Variants in IL4R observed in about 807,000 individuals in gnomAD.
IL4R encodes the protein interleukin-4 receptor subunit alpha.
IL4R carries 17 observed loss-of-function variants against 41.5 expected under a neutral mutation model. That is an observed-to-expected ratio of 0.41 (90% CI 0.28 to 0.61). The LOEUF is 0.61. Ranked by LOEUF, IL4R falls within the 20% of genes least tolerant of loss-of-function variation. The pLI, the probability that IL4R is intolerant of heterozygous loss-of-function variation, is 0.31. For synonymous variants in IL4R, 402 were observed against 422.9 expected, an observed-to-expected ratio of 0.95 and a Z score of 0.61; for missense variants, 974 against 1,043.1, an observed-to-expected ratio of 0.93 and a Z score of 0.91.
At chr16:27,358,110 T>C (rs1213212065) in intron 8 of IL4R, among the ~76,000 whole-genome samples, 1 of 152,100 alleles carries the variant, frequency 6.6e-6, no homozygotes, top group Non-Finnish European at 1.5e-5. Flanking sequence ...GCCAGGCTGG[T>C]CTCGAACTTC....
At chr16:27,349,602 G>A (rs2085791730) in intron 6 of IL4R, among the ~76,000 whole-genome samples, 1 of 152,226 alleles carries the variant, frequency 6.6e-6, no homozygotes, top group South Asian at 2.1e-4. Flanking sequence ...GTGGGAATAT[G>A]TGTAGCGATA....
intron 1 of IL4R, chr16:27,318,781 G>C (rs926138541): frequency 6.6e-6 from 1 of 152,378 alleles, no homozygotes; most frequent in Non-Finnish European, 1.5e-5. Context: ...GGTCCCGGGA[G>C]GGGAAGAGGA....
intron 7 of IL4R, among the ~76,000 whole-genome samples, chr16:27,353,117 T>A (rs3024689): frequency 3.9e-5 from 6 of 152,124 alleles, no homozygotes; most frequent in Non-Finnish European, 7.3e-5. Context: ...CAGAATATTT[T>A]TAAATACATA....
chr16:27,332,989 C>T (rs1370061238), intron 2 of IL4R, among the ~76,000 whole-genome samples: 4 of 151,926 alleles, frequency 2.6e-5, no homozygotes, highest in Non-Finnish European at 5.9e-5. Flanking sequence ...TTTCTTCCTG[C>T]TAGTGACTTC....
chr16:27,342,474 G>A (rs892645884), intron 4 of IL4R, among the ~76,000 whole-genome samples: 8 of 152,092 alleles, frequency 5.3e-5, no homozygotes, highest in African/African-American at 1.9e-4. Flanking sequence ...GTGGCACATG[G>A]ATACGGCTGG....
At chr16:27,323,678 T>C (rs1596755383) in intron 1 of IL4R, among the ~76,000 whole-genome samples, 1 of 151,616 alleles carries the variant, frequency 6.6e-6, no homozygotes, top group Admixed American at 6.6e-5. Flanking sequence ...TTTTTAGAGA[T>C]AGGGTCTCAC....
At position 27,362,482 on chromosome 16, in the gene IL4R, T is replaced by C. The variant is rs775887007; in HGVS notation, c.1130T>C (p.Val377Ala). 6.8e-6 allele frequency: 11 copies of C among 1,612,246 alleles called. No individual in the cohort carries two copies. Among genetic ancestry groups the C allele is most frequent in the South Asian group, 1.1e-5 (1 of 90,976 alleles). Residue 377 changes from valine to alanine, a missense_variant, in exon 11 of 11, where the codon GTA becomes GCA. Transcript: ENST00000395762. ...APVECEEEEE[V>A]EEEKGSFCAS... ...GTGGAGTGTGAGGAGGAGGAGGAGGTAGAGGAAGAAAAAGGGAGCTTCTGT... is the reference window on the plus strand; with the variant it reads ...GTGGAGTGTGAGGAGGAGGAGGAGGCAGAGGAAGAAAAAGGGAGCTTCTGT...
chr16:27,364,144 C>T lies in IL4R; in HGVS notation c.*314C>T, dbSNP rs988186378. ...ACTTGTGAACGAGTTGTTGGCTGCT[C>T]CCTCCACAGCTTCTGCAGCAGACTG... On this transcript the variant is annotated 3_prime_UTR_variant, in exon 11 of 11. Coordinates refer to ENST00000395762, the MANE Select transcript of IL4R (RefSeq NM_000418.4). 3.1e-6 allele frequency: 1 copy of T among 322,604 alleles called. No individual in the cohort carries two copies. The highest frequency in any genetic ancestry group is 2.1e-5 in the African/African-American group (1 of 47,246). 20.0% of individuals were successfully genotyped at this position (322,604 alleles called of 1,614,324 possible).
intron 6 of IL4R, among the ~76,000 whole-genome samples, chr16:27,350,764 G>A (rs2085837544): frequency 6.6e-6 from 1 of 152,134 alleles, no homozygotes; most frequent in South Asian, 2.1e-4. Context: ...GACTTAGAAT[G>A]GAAACATGTT....
At chr16:27,326,767 G>C (rs1197205948) in intron 1 of IL4R, among the ~76,000 whole-genome samples, 2 of 152,170 alleles carry the variant, frequency 1.3e-5, no homozygotes, top group African/African-American at 4.8e-5. Context: ...TTGGTGGAGG[G>C]GGCCGATTTG....
chr16:27,338,981 A>G (rs999601742), intron 2 of IL4R, among the ~76,000 whole-genome samples: 1 of 151,878 alleles, frequency 6.6e-6, no homozygotes, highest in South Asian at 2.1e-4. Flanking sequence ...CAGCCTCCAG[A>G]GTAGCTGGAA....
At chr16:27,338,373 G>A (rs959437689) in intron 2 of IL4R, among the ~76,000 whole-genome samples, 6 of 151,344 alleles carry the variant, frequency 4.0e-5, no homozygotes, top group African/African-American at 7.3e-5. Context: ...ATGCACCACC[G>A]TGCCTGGCTG....
chr16:27,333,804 C>T (rs779083162), intron 2 of IL4R, among the ~76,000 whole-genome samples: 2 of 151,900 alleles, frequency 1.3e-5, no homozygotes, highest in African/African-American at 4.8e-5. Flanking sequence ...GTGGGGTGTT[C>T]GCAGGACATC....
At position 27,362,936 on chromosome 16, in the gene IL4R, C is replaced by T. The variant is rs746567261; in HGVS notation, c.1584C>T (p.Pro528=). The change falls in exon 11 of 11, where the codon CCC becomes CCT. Residue 528 remains proline (P), a synonymous_variant. Transcript: ENST00000395762. ...CCAGACACCTGGAGGAAGTAGAACC[C>T]GAGATGCCCTGTGTCCCCCAGCTCT... is the stretch of plus-strand genomic sequence containing the variant. ...LLARHLEEVE[P]EMPCVPQLSE... is the part of the protein sequence containing the mutation. 1.9e-5 allele frequency: 31 copies of T among 1,614,048 alleles called. No homozygotes were observed. In the Admixed American group the frequency reaches 2.5e-4, roughly 13 times the overall value.
chr16:27,336,499 A>G (rs942497337), intron 2 of IL4R, among the ~76,000 whole-genome samples: 3 of 151,446 alleles, frequency 2.0e-5, no homozygotes, highest in African/African-American at 7.3e-5. Context: ...CAACATAATG[A>G]GACCCCATCT....
At chr16:27,359,103 A>G (rs1404195293) in intron 9 of IL4R, 109 bp downstream of exon 9, 6 of 814,148 alleles carry the variant, frequency 7.4e-6, no homozygotes, top group Non-Finnish European at 1.2e-5. Flanking sequence ...TGGCAAATAG[A>G]CAGTCAGGAG....
chr16:27,332,374 A>C (rs1200850809), intron 2 of IL4R, among the ~76,000 whole-genome samples: 1 of 151,946 alleles, frequency 6.6e-6, no homozygotes, highest in East Asian at 1.9e-4. Context: ...AAACCATCAG[A>C]TCTCAGGAGA....
chr16:27,346,705 C>T (rs556921256), intron 6 of IL4R, 87 bp downstream of exon 6: 5 of 1,445,594 alleles, frequency 3.5e-6, no homozygotes, highest in African/African-American at 2.8e-5. Flanking sequence ...GAGCCAGGAG[C>T]CTGGGAGGCA....
chr16:27,359,799 G>T (rs1167577164), intron 9 of IL4R: 1 of 456,928 alleles, frequency 2.2e-6, no homozygotes, highest in Admixed American at 2.3e-5. Context: ...AATACCAAGT[G>T]CCATTTATGT....
Sources: gnomAD v4.1 joint callset for allele counts (sites outside exome capture counted in the v4.1 genomes callset) on GRCh38, gnomAD v4.1.1 for gene constraint, MANE v1.5 for transcripts, NCBI Gene and HGNC (gene_info 2026-07-23, HGNC 2026-07-21) for gene names.